Variants in HNMT observed in about 807,000 individuals in gnomAD.
HNMT encodes the protein histamine N-methyltransferase.
HNMT carries 30 observed loss-of-function variants against 32.1 expected under a neutral mutation model. That is an observed-to-expected ratio of 0.93 (90% CI 0.70 to 1.27). The LOEUF (loss-of-function observed/expected upper bound fraction) is 1.27. Ranked by LOEUF, HNMT falls within the 50% of genes most tolerant of loss-of-function variation. The pLI is 0.00. For synonymous variants in HNMT, 125 were observed against 119.0 expected (o/e 1.05, Z -0.33); for missense variants, 327 against 346.0 (o/e 0.95, Z 0.43).
intron 5 of HNMT, among the ~76,000 whole-genome samples, chr2:138,007,631 C>G (rs906979816): frequency 1.3e-5 from 2 of 151,954 alleles, no homozygotes; most frequent in African/African-American, 4.8e-5. Flanking sequence ...CTGGTGATTG[C>G]CATCCACTGT....
At chr2:138,008,436 C>A (rs1012178886) in intron 5 of HNMT, among the ~76,000 whole-genome samples, 1 of 151,890 alleles carries the variant, frequency 6.6e-6, no homozygotes, top group Non-Finnish European at 1.5e-5. Context: ...TGTGAATAAT[C>A]CTGCAATGAA....
intron 2 of HNMT, among the ~76,000 whole-genome samples, chr2:137,998,179 GCA>G (rs1681053009): frequency 6.6e-6 from 1 of 152,082 alleles, no homozygotes; most frequent in African/African-American, 2.4e-5. Flanking sequence ...TCGCCTATGA[GCA>G]CAGTGGTATT....
intron 2 of HNMT, among the ~76,000 whole-genome samples, chr2:137,979,579 T>C (rs1181263673): frequency 1.3e-5 from 2 of 151,974 alleles, no homozygotes; most frequent in Non-Finnish European, 2.9e-5. Flanking sequence ...ATATTATATA[T>C]GAAAGATTAA....
chr2:138,002,767 T>C (rs1176696687), intron 4 of HNMT: 3 of 965,930 alleles, frequency 3.1e-6, no homozygotes, highest in South Asian at 4.8e-5. Flanking sequence ...TTTTATATCA[T>C]TGGATGTTTA....
intron 1 of HNMT, chr2:137,967,246 A>G: frequency 1.6e-6 from 1 of 637,384 alleles, no homozygotes; most frequent in Non-Finnish European, 2.8e-6. Context: ...TCCCATCTCT[A>G]CAAAAAAGTG....
At chr2:137,983,434 T>C (rs1680562525) in intron 2 of HNMT, among the ~76,000 whole-genome samples, 1 of 152,090 alleles carries the variant, frequency 6.6e-6, no homozygotes, top group Non-Finnish European at 1.5e-5. Context: ...TTATACAATA[T>C]ACATATAGTG....
rs1413184885 is a variant in HNMT at position 137,976,252 on chromosome 2, C to A, written c.190+6035C>A. ...TTGCACTCCAGCCTGGGGGACAGAG[C>A]AAGACTCCATCTCAAAAAAACAAAA... On this transcript the variant is annotated intron_variant, in intron 2 of 5. Transcript: ENST00000280097. Among the ~76,000 whole-genome samples the A allele has an allele frequency of 2.4e-5, 3 of 124,622 alleles. No individual in the cohort carries two copies. The East Asian group carries it at 7.1e-4, about 29-fold the overall frequency. The allele number at this position is 124,622 out of a possible 152,430, so 81.8% of individuals were successfully genotyped here.
At chr2:137,991,492 T>C (rs1680813167) in intron 2 of HNMT, among the ~76,000 whole-genome samples, 1 of 152,328 alleles carries the variant, frequency 6.6e-6, no homozygotes, top group Non-Finnish European at 1.5e-5. Context: ...AAACACGTTA[T>C]AGTCCTGCCT....
At chr2:137,994,894 A>G (rs2104964979) in intron 2 of HNMT, among the ~76,000 whole-genome samples, 1 of 152,346 alleles carries the variant, frequency 6.6e-6, no homozygotes, top group African/African-American at 2.4e-5. Flanking sequence ...ATGGAAATTG[A>G]ACAACCTGCT....
rs1401525535 is a variant in HNMT, at chr2:138,015,925, G to A, written c.*1795G>A. 1 of 152,028 alleles carries A rather than the reference G, an allele frequency of 6.6e-6. No homozygotes were observed. Among genetic ancestry groups the A allele is most frequent in the African/African-American group, 2.4e-5 (1 of 41,400 alleles). The allele number at this position is 152,028 out of a possible 1,614,324, so 9.4% of individuals were successfully genotyped here. A position where few individuals can be genotyped will look rare whatever the true frequency, so the allele number is the denominator to read the frequency against. The stretch of plus-strand genomic sequence containing the variant: ...TCCTTATTAAACCCTTAGTATACAA[G>A]GATAAATAAATTCTCACCTGCTTAA... On this transcript the variant is annotated 3_prime_UTR_variant, in exon 6 of 6. Coordinates refer to ENST00000280097, the MANE Select transcript of HNMT (RefSeq NM_006895.3).
chr2:137,983,315 T>G (rs1285498648), intron 2 of HNMT, among the ~76,000 whole-genome samples: 1 of 152,210 alleles, frequency 6.6e-6, no homozygotes, highest in Non-Finnish European at 1.5e-5. Context: ...GTATTTTCAC[T>G]GTTTGCCCTG....
At chr2:137,989,125 G>T (rs949026031) in intron 2 of HNMT, among the ~76,000 whole-genome samples, 1 of 151,998 alleles carries the variant, frequency 6.6e-6, no homozygotes, top group Non-Finnish European at 1.5e-5. Context: ...TTTCCTTTTG[G>T]TGTTGTATTC....
chr2:138,004,320 G>A (rs1225974690), intron 4 of HNMT, among the ~76,000 whole-genome samples: 4 of 152,046 alleles, frequency 2.6e-5, no homozygotes, highest in Admixed American at 1.3e-4. Flanking sequence ...TCATATGAAA[G>A]AGGCACAGCT....
chr2:137,980,820 T>C (rs1259841151), intron 2 of HNMT, among the ~76,000 whole-genome samples: 1 of 152,174 alleles, frequency 6.6e-6, no homozygotes, highest in Non-Finnish European at 1.5e-5. Flanking sequence ...AGAACTGCTT[T>C]AATACTGAGG....
chr2:138,013,481 C>G (rs1681571839), intron 5 of HNMT, among the ~76,000 whole-genome samples: 2 of 152,216 alleles, frequency 1.3e-5, no homozygotes, highest in African/African-American at 4.8e-5. Flanking sequence ...GTCTTGCTGT[C>G]AGGTCTCTGC....
chr2:137,992,601 C>T (rs1573663327), intron 2 of HNMT, among the ~76,000 whole-genome samples: 1 of 152,202 alleles, frequency 6.6e-6, no homozygotes, highest in Non-Finnish European at 1.5e-5. Context: ...TGGCTGCAGT[C>T]TCTGTGGACC....
chr2:137,968,782 A>G (rs1680034582), intron 1 of HNMT, among the ~76,000 whole-genome samples: 1 of 152,200 alleles, frequency 6.6e-6, no homozygotes, highest in Admixed American at 6.5e-5. Flanking sequence ...ACTTTGCAAG[A>G]TTCCTTTAGA....
chr2:138,011,812 G>T (rs979476819), intron 5 of HNMT, among the ~76,000 whole-genome samples: 1 of 152,070 alleles, frequency 6.6e-6, no homozygotes, highest in Non-Finnish European at 1.5e-5. Context: ...GGTTCTAAGG[G>T]TCTTTACTTT....
chr2:138,001,724 TTTGTCTTC>T (rs1319037509), intron 3 of HNMT, among the ~76,000 whole-genome samples: 4 of 152,110 alleles, frequency 2.6e-5, no homozygotes, highest in Non-Finnish European at 5.9e-5. Context: ...TGGACTGTAG[TTTGTCTTC>T]TCCTGAATTA....
Sources: gnomAD v4.1 joint callset for allele counts (sites outside exome capture counted in the v4.1 genomes callset) on GRCh38, gnomAD v4.1.1 for gene constraint, MANE v1.5 for transcripts, NCBI Gene and HGNC (gene_info 2026-07-23, HGNC 2026-07-21) for gene names.